Variants in PIK3C3 observed in about 807,000 individuals in gnomAD.
PIK3C3 encodes the protein PI3-kinase type 3.
In PIK3C3, 95 loss-of-function variants were observed where a neutral mutation model predicts 126.1. The ratio of observed to expected loss-of-function variants is 0.75; its 90% CI spans 0.64 to 0.89. The LOEUF is 0.89. Ranked by LOEUF, PIK3C3 falls within the 40% of genes least tolerant of loss-of-function variation. The probability of loss-of-function intolerance (pLI) is 0.00; values close to 1 mark genes in which losing one functional copy is unlikely to be tolerated. For synonymous variants in PIK3C3, 374 were observed against 360.0 expected (o/e 1.04, Z -0.44); for missense variants, 829 against 1,063.2 (o/e 0.78, Z 3.06).
chr18:41,987,938 A>G (rs1043947056), intron 5 of PIK3C3, 40 bp downstream of exon 5: 1 of 1,197,270 alleles, frequency 8.4e-7, no homozygotes. Flanking sequence ...TATTTTCTGT[A>G]AATTTTTAAA....
intron 2 of PIK3C3, 84 bp downstream of exon 2, chr18:41,957,842 A>G: frequency 9.3e-7 from 1 of 1,077,774 alleles, no homozygotes; most frequent in Non-Finnish European, 1.3e-6. Context: ...TAGTAGGATT[A>G]TAGAGGAATT....
At position 42,067,372 on chromosome 18, in the gene PIK3C3, GA is replaced by G; in HGVS notation, c.2524-15del. The G allele has an allele frequency of 6.2e-7, 1 of 1,613,386 alleles. No individual in the cohort carries two copies. The highest frequency in any genetic ancestry group is 2.2e-5 in the East Asian group (1 of 44,862). ...TATTTTTCTTCGTTGTAAAGACTAA[GA>G]GTGTTATCTTATAGGTTCAGGATAA... On this transcript the variant is annotated splice_polypyrimidine_tract_variant and intron_variant, in intron 23 of 24. Transcript: ENST00000262039.
chr18:41,973,453 TTAAG>T (rs777175086), intron 4 of PIK3C3, among the ~76,000 whole-genome samples: 3 of 152,062 alleles, frequency 2.0e-5, no homozygotes, highest in Non-Finnish European at 2.9e-5. Flanking sequence ...AATTAATTAA[TTAAG>T]TTAGTTAATT....
At chr18:41,992,386 A>G (rs1030174982) in intron 6 of PIK3C3, among the ~76,000 whole-genome samples, 33 of 152,270 alleles carry the variant, frequency 2.2e-4, no homozygotes, top group Middle Eastern at 3.4e-3. Context: ...GTAAGACTCA[A>G]TTACTGAACT....
At chr18:42,007,146 G>C (rs1982589658) in intron 10 of PIK3C3, among the ~76,000 whole-genome samples, 1 of 152,108 alleles carries the variant, frequency 6.6e-6, no homozygotes, top group Non-Finnish European at 1.5e-5. Flanking sequence ...GGGATTACAG[G>C]CATGAGCCAC....
At chr18:42,057,261 G>T (rs1028764238) in intron 21 of PIK3C3, among the ~76,000 whole-genome samples, 6 of 138,322 alleles carry the variant, frequency 4.3e-5, no homozygotes, top group African/African-American at 1.8e-4. Context: ...AATGAAAACA[G>T]ATTTATACTA....
At chr18:41,985,995 A>G (rs145528297) in intron 4 of PIK3C3, among the ~76,000 whole-genome samples, 148 of 152,296 alleles carry the variant, frequency 9.7e-4, no homozygotes, top group African/African-American at 3.4e-3. Flanking sequence ...TTAGCAGTGG[A>G]TCAACTATTG....
intron 4 of PIK3C3, among the ~76,000 whole-genome samples, chr18:41,979,895 T>TATTATTATTATTATC (rs142491238): frequency 1.8e-3 from 274 of 149,728 alleles, no homozygotes; most frequent in Middle Eastern, 0.011. Context: ...TTATTATTAT[T>TATTATTATTATTATC]ATTATTATTA....
chr18:41,995,671 C>T (rs1190047829), intron 7 of PIK3C3, among the ~76,000 whole-genome samples: 2 of 151,976 alleles, frequency 1.3e-5, no homozygotes, highest in East Asian at 1.9e-4. Flanking sequence ...GCTGTAATGA[C>T]GTGTGTATTA....
chr18:42,067,832 T>A (rs1985606639), intron 24 of PIK3C3, among the ~76,000 whole-genome samples: 1 of 152,188 alleles, frequency 6.6e-6, no homozygotes. Flanking sequence ...CTTGGACACT[T>A]GTTGGGTTTT....
chr18:41,967,554 G>C (rs146452495), intron 3 of PIK3C3, among the ~76,000 whole-genome samples: 97 of 152,256 alleles, frequency 6.4e-4, no homozygotes, highest in Non-Finnish European at 1.2e-3. Flanking sequence ...GTGACTATCA[G>C]CTCTTGCTGT....
intron 15 of PIK3C3, among the ~76,000 whole-genome samples, chr18:42,030,810 G>T (rs1219045256): frequency 6.6e-6 from 1 of 152,166 alleles, no homozygotes; most frequent in African/African-American, 2.4e-5. Context: ...GCTCTGACCT[G>T]CAGTTTGGGG....
chr18:42,026,853 G>C (rs1303622457), intron 13 of PIK3C3: 3 of 152,158 alleles, frequency 2.0e-5, no homozygotes, highest in African/African-American at 7.2e-5. Context: ...AAGCAGATGA[G>C]GGTTAAGAAG....
chr18:42,075,069 T>C (rs1985924358), intron 24 of PIK3C3, among the ~76,000 whole-genome samples: 1 of 152,188 alleles, frequency 6.6e-6, no homozygotes, highest in African/African-American at 2.4e-5. Context: ...TTTAAACAAG[T>C]GTGACTCTTT....
At chr18:42,069,633 C>T (rs1017009451) in intron 24 of PIK3C3, among the ~76,000 whole-genome samples, 30 of 152,184 alleles carry the variant, frequency 2.0e-4, no homozygotes, top group Non-Finnish European at 2.9e-4. Context: ...CTTTGCATTT[C>T]TGTAGCAGGG....
chr18:42,043,047 A>C (rs911949474), intron 19 of PIK3C3, among the ~76,000 whole-genome samples: 21 of 151,976 alleles, frequency 1.4e-4, no homozygotes, highest in Admixed American at 9.2e-4. Flanking sequence ...TCCAGATGCA[A>C]ATCCTTTGTC....
intron 13 of PIK3C3, among the ~76,000 whole-genome samples, chr18:42,021,622 A>G (rs1372641923): frequency 6.6e-6 from 1 of 152,312 alleles, no homozygotes. Context: ...TTTACTGTCT[A>G]AATGATTTCT....
At chr18:41,965,542 T>C (rs561250829) in intron 3 of PIK3C3, among the ~76,000 whole-genome samples, 1 of 152,310 alleles carries the variant, frequency 6.6e-6, no homozygotes, top group African/African-American at 2.4e-5. Context: ...AGCATCTTCC[T>C]GGGTTCTCAC....
At chr18:42,050,239 T>G (rs555305008) in intron 21 of PIK3C3, 1 of 152,314 alleles carries the variant, frequency 6.6e-6, no homozygotes, top group Non-Finnish European at 1.5e-5. Context: ...GTCCTTTCTC[T>G]TACAAAGTGT....
Sources: gnomAD v4.1 joint callset for allele counts (sites outside exome capture counted in the v4.1 genomes callset) on GRCh38, gnomAD v4.1.1 for gene constraint, MANE v1.5 for transcripts, NCBI Gene and HGNC (gene_info 2026-07-23, HGNC 2026-07-21) for gene names.